PAX2: variants seen among roughly 807,000 people sequenced by gnomAD.
The protein encoded by PAX2 is paired box 2.
A neutral mutation model predicts 41.7 loss-of-function variants in PAX2; 9 were observed. The observed-to-expected ratio is 0.22, with a 90% CI of 0.13 to 0.38. PAX2 has a LOEUF of 0.38. Among genes scored for constraint, PAX2 ranks in the 10% least tolerant of loss-of-function variants. PAX2 has a pLI of 1.00. For synonymous variants in PAX2, 221 were observed against 212.7 expected (o/e 1.04, Z -0.34); for missense variants, 418 against 531.6 (o/e 0.79, Z 2.10).
intron 5 of PAX2, among the ~76,000 whole-genome samples, chr10:100,801,719 A>G (rs528751309): frequency 6.6e-6 from 1 of 152,360 alleles, no homozygotes; most frequent in South Asian, 2.1e-4. Context: ...CAGGCAAAGA[A>G]CGAGGGATGC....
intron 5 of PAX2, among the ~76,000 whole-genome samples, chr10:100,783,543 A>G (rs1316102486): frequency 6.6e-6 from 1 of 152,118 alleles, no homozygotes; most frequent in Non-Finnish European, 1.5e-5. Context: ...CAGCCACTGC[A>G]GGGCAGCTTT....
intron 3 of PAX2, among the ~76,000 whole-genome samples, chr10:100,775,083 G>C (rs1193517797): frequency 1.3e-5 from 2 of 152,148 alleles, no homozygotes; most frequent in Non-Finnish European, 2.9e-5. Context: ...ACACCTCCCA[G>C]CTTCTGAGCA....
chr10:100,769,986 G>A (rs563115734), intron 3 of PAX2, among the ~76,000 whole-genome samples: 39 of 152,312 alleles, frequency 2.6e-4, no homozygotes, highest in African/African-American at 8.7e-4. Flanking sequence ...TTTGAAGGCC[G>A]GGCTGAAGAA....
chr10:100,744,212 C>T (rs1475290371), upstream of PAX2, among the ~76,000 whole-genome samples: 7 of 152,322 alleles, frequency 4.6e-5, no homozygotes, highest in African/African-American at 1.7e-4. Context: ...TTCCGCGGGG[C>T]GCCCGGAGCT....
intron 3 of PAX2, 25 bp from the exon 4 acceptor site, chr10:100,779,473 T>C (rs1302916868): frequency 6.4e-7 from 1 of 1,562,542 alleles, no homozygotes. Flanking sequence ...ATTTGATGTG[T>C]GATGCTGTTG....
chr10:100,809,964 G>A (rs769804028), intron 7 of PAX2, among the ~76,000 whole-genome samples: 2 of 152,350 alleles, frequency 1.3e-5, no homozygotes, highest in Non-Finnish European at 2.9e-5. Context: ...TGGAATGCAC[G>A]TGCCACTGCA....
chr10:100,787,639 A>G (rs1293746274), intron 5 of PAX2, among the ~76,000 whole-genome samples: 2 of 152,082 alleles, frequency 1.3e-5, no homozygotes, highest in Admixed American at 6.5e-5. Flanking sequence ...GGGCCTCGGT[A>G]TCAGCCTCAC....
rs7912268 is a variant in PAX2 at position 100,747,709 on chromosome 10, T to C, written c.43+1406T>C. 8.8e-3 allele frequency: 8,712 copies of C among 984,726 alleles called. 434 individuals carry two copies. The African/African-American group carries it at 0.12, about 14-fold the overall frequency. 61.0% of individuals were successfully genotyped at this position (984,726 alleles called of 1,614,324 possible). A position where few individuals can be genotyped will look rare whatever the true frequency, so the allele number is the denominator to read the frequency against. On this transcript the variant is annotated intron_variant, in intron 1 of 9. Coordinates refer to ENST00000355243, the MANE Select transcript of PAX2 (RefSeq NM_000278.5). The stretch of plus-strand genomic sequence containing the variant: ...ATACTTCTGGGATAAAATATATTTT[T>C]CTAAGTAATTTCCAAGCGCAGGAAA...
chr10:100,754,163 G>C (rs996695727), intron 3 of PAX2, among the ~76,000 whole-genome samples: 1 of 152,196 alleles, frequency 6.6e-6, no homozygotes, highest in East Asian at 1.9e-4. Context: ...AAAGGAAAAA[G>C]TCGTCTAGTT....
At chr10:100,780,261 G>A (rs1164783375) in intron 4 of PAX2, among the ~76,000 whole-genome samples, 10 of 152,026 alleles carry the variant, frequency 6.6e-5, no homozygotes, top group African/African-American at 1.9e-4. Context: ...TCTCAAAGAC[G>A]TGACCCAGGC....
chr10:100,802,233 A>G (rs1369200756), intron 5 of PAX2, among the ~76,000 whole-genome samples: 2 of 152,192 alleles, frequency 1.3e-5, no homozygotes, highest in African/African-American at 4.8e-5. Flanking sequence ...TTCCTCCTGA[A>G]AGCCCAGGAC....
In PAX2 at chr10:100,745,903, T is replaced by C; in HGVS notation, c.-358T>C. 1 of 1,175,696 alleles carries C rather than the reference T, an allele frequency of 8.5e-7. No individual in the cohort carries two copies. The highest frequency in any genetic ancestry group is 2.6e-5 in the South Asian group (1 of 38,150). The allele number at this position is 1,175,696 out of a possible 1,614,324, so 72.8% of individuals were successfully genotyped here. A position where few individuals can be genotyped will look rare whatever the true frequency, so the allele number is the denominator to read the frequency against. ...TCGGATGACCAGGTTCCAGGGGAGC[T>C]GAGCGAGTCGCCTCCCCCGCCCAGC... On this transcript the variant is annotated 5_prime_UTR_variant, in exon 1 of 10. It removes the in-frame stop codon of an upstream open reading frame in the 5' UTR. Coordinates refer to ENST00000355243, the MANE Select transcript of PAX2 (RefSeq NM_000278.5).
At chr10:100,742,839 CTTCCTTTTTTTTTTTTTTTTTTTTT>C (rs1845013335), upstream of PAX2, among the ~76,000 whole-genome samples, 1 of 59,628 alleles carries the variant, frequency 1.7e-5, no homozygotes, top group Non-Finnish European at 3.5e-5. Context: ...CCTCTTCTTT[CTTCCTTTTTTTTTTTTTTTTTTTTT>C]TTTTTTTTTT....
chr10:100,809,261 G>C (rs1440816088), intron 7 of PAX2, 25 bp downstream of exon 7: 3 of 1,609,566 alleles, frequency 1.9e-6, no homozygotes, highest in Non-Finnish European at 2.5e-6. Flanking sequence ...AGGAGGGTGG[G>C]GGCACTGCGT....
At chr10:100,825,007 C>A (rs764474996) in intron 8 of PAX2, 2 of 1,587,886 alleles carry the variant, frequency 1.3e-6, no homozygotes, top group Non-Finnish European at 8.6e-7. Flanking sequence ...CCCTCCACAG[C>A]GCCCACCCAC....
intron 5 of PAX2, among the ~76,000 whole-genome samples, chr10:100,792,254 C>T (rs750478893): frequency 2.0e-5 from 3 of 152,344 alleles, no homozygotes; most frequent in Non-Finnish European, 2.9e-5. Context: ...CTCTTCTTCA[C>T]GTGCACAAGC....
intron 5 of PAX2, among the ~76,000 whole-genome samples, chr10:100,801,764 G>A (rs940636996): frequency 2.0e-5 from 3 of 152,242 alleles, no homozygotes; most frequent in Admixed American, 6.5e-5. Context: ...GGAGCCAAGT[G>A]GCCTTCAACT....
chr10:100,742,285 C>A (rs1844982443), upstream of PAX2, among the ~76,000 whole-genome samples: 3 of 152,218 alleles, frequency 2.0e-5, no homozygotes, highest in South Asian at 6.2e-4. Context: ...TGCCCAGAAA[C>A]GCATTTGAGA....
At chr10:100,790,663 G>C (rs1360944493) in intron 5 of PAX2, among the ~76,000 whole-genome samples, 1 of 152,206 alleles carries the variant, frequency 6.6e-6, no homozygotes, top group East Asian at 1.9e-4. Context: ...CTGGAAAAAG[G>C]GTTTGGAGAG....
Sources: allele counts gnomAD v4.1 joint callset (sites outside exome capture counted in the v4.1 genomes callset), GRCh38; gene constraint gnomAD v4.1.1; transcripts MANE v1.5; gene names NCBI Gene and HGNC (gene_info 2026-07-23, HGNC 2026-07-21).